The following PPP2R2C variants were observed in gnomAD, a reference collection of about 807,000 sequenced individuals.
PPP2R2C encodes protein phosphatase 2 regulatory subunit Bgamma.
A neutral mutation model predicts 45.3 loss-of-function variants in PPP2R2C; 10 were observed. That is an observed-to-expected ratio of 0.22 (90% CI 0.14 to 0.37). PPP2R2C has a LOEUF of 0.37. Among genes scored for constraint, PPP2R2C ranks in the 10% least tolerant of loss-of-function variants. PPP2R2C has a pLI of 1.00. For missense variants in PPP2R2C, 308 were observed against 619.7 expected (o/e 0.50, Z 5.34); for synonymous variants, 257 against 245.4 (o/e 1.05, Z -0.44).
intron 1 of PPP2R2C, among the ~76,000 whole-genome samples, chr4:6,554,599 C>T (rs910681317): frequency 2.6e-5 from 4 of 152,134 alleles, no homozygotes; most frequent in African/African-American, 9.7e-5. Flanking sequence ...GTGGCTCACA[C>T]CTGCAATCCC....
intron 1 of PPP2R2C, among the ~76,000 whole-genome samples, chr4:6,538,646 C>T (rs1458864960): frequency 1.3e-5 from 2 of 152,188 alleles, no homozygotes; most frequent in African/African-American, 4.8e-5. Flanking sequence ...CAGATGTTCC[C>T]TTGGCCAAAG....
At chr4:6,481,389 A>T (rs533509734) in intron 2 of PPP2R2C, among the ~76,000 whole-genome samples, 1 of 152,342 alleles carries the variant, frequency 6.6e-6, no homozygotes, top group East Asian at 1.9e-4. Context: ...AGAAAATAAT[A>T]TCCAAATCAT....
intron 2 of PPP2R2C, among the ~76,000 whole-genome samples, chr4:6,524,236 T>C (rs1436915001): frequency 6.6e-6 from 1 of 152,104 alleles, no homozygotes; most frequent in East Asian, 1.9e-4. Flanking sequence ...GGAATGAAGT[T>C]CTAATGCGAG....
chr4:6,488,332 T>A (rs1289067411), intron 2 of PPP2R2C, among the ~76,000 whole-genome samples: 2 of 152,202 alleles, frequency 1.3e-5, no homozygotes, highest in Non-Finnish European at 2.9e-5. Flanking sequence ...TGGATTTGTT[T>A]GTATTCCTAT....
chr4:6,337,108 GTGTGTATATATATATATATATA>G lies in PPP2R2C; in HGVS notation c.791-3399_791-3378del, dbSNP rs1439001800. Among the ~76,000 whole-genome samples the G allele has an allele frequency of 1.1e-3, 37 of 33,246 alleles. 1 individual carries two copies. Among genetic ancestry groups the G allele is most frequent in the East Asian group, 3.5e-3 (3 of 868 alleles). 21.8% of individuals were successfully genotyped at this position (33,246 alleles called of 152,430 possible). ...TTGGCATCTTTGTTTCTGTATGTGT[GTGTGTATATATATATATATATA>G]TATATATATATATATATATATATAT... On this transcript the variant is annotated intron_variant, in intron 6 of 8. Coordinates refer to ENST00000382599, the MANE Select transcript of PPP2R2C (RefSeq NM_020416.4).
chr4:6,539,798 G>A (rs954276212), intron 1 of PPP2R2C, among the ~76,000 whole-genome samples: 6 of 152,150 alleles, frequency 3.9e-5, no homozygotes, highest in East Asian at 1.9e-4. Context: ...CCTTGCGGGC[G>A]ATACAGGAGT....
chr4:6,472,092 G>A, intron 1 of PPP2R2C, 68 bp downstream of exon 1: 1 of 1,599,480 alleles, frequency 6.3e-7, no homozygotes, highest in Non-Finnish European at 8.5e-7. Flanking sequence ...ACCTTCGGAG[G>A]GCATTCGGTG....
At chr4:6,349,135 C>G in intron 5 of PPP2R2C, 1 of 985,366 alleles carries the variant, frequency 1.0e-6, no homozygotes, top group Non-Finnish European at 1.2e-6. Context: ...AGCTTCAGAT[C>G]CCACCCATCA....
intron 1 of PPP2R2C, among the ~76,000 whole-genome samples, chr4:6,423,932 TTA>T (rs1227883708): frequency 2.0e-5 from 3 of 152,330 alleles, no homozygotes; most frequent in Admixed American, 1.3e-4. Context: ...AGGGTTAGTG[TTA>T]GTGTTTCCCT....
At chr4:6,453,170 C>A (rs1342095574) in intron 1 of PPP2R2C, among the ~76,000 whole-genome samples, 1 of 152,164 alleles carries the variant, frequency 6.6e-6, no homozygotes, top group African/African-American at 2.4e-5. Context: ...AGGGACCCCC[C>A]CACAGAGGAT....
chr4:6,432,469 C>G (rs1577178841), intron 1 of PPP2R2C, among the ~76,000 whole-genome samples: 2 of 152,234 alleles, frequency 1.3e-5, no homozygotes, highest in African/African-American at 2.4e-5. Flanking sequence ...CCTCTCCCCT[C>G]TACTCCAGCA....
chr4:6,347,822 C>A, intron 6 of PPP2R2C, 24 bp downstream of exon 6: 1 of 1,586,730 alleles, frequency 6.3e-7, no homozygotes, highest in South Asian at 1.1e-5. Flanking sequence ...GCACAGCCCC[C>A]CACCCCCAGG....
chr4:6,435,589 T>A (rs1387967463), intron 1 of PPP2R2C, among the ~76,000 whole-genome samples: 3 of 152,372 alleles, frequency 2.0e-5, no homozygotes, highest in African/African-American at 4.8e-5. Flanking sequence ...ATTACTCATC[T>A]CTGAATGTGA....
chr4:6,497,100 C>A (rs1219334384), intron 2 of PPP2R2C, among the ~76,000 whole-genome samples: 1 of 152,064 alleles, frequency 6.6e-6, no homozygotes, highest in Non-Finnish European at 1.5e-5. Flanking sequence ...ACCTGAGCAG[C>A]AGTCATTCAG....
chr4:6,407,407 T>G (rs1372534814), intron 1 of PPP2R2C, among the ~76,000 whole-genome samples: 4 of 152,200 alleles, frequency 2.6e-5, no homozygotes, highest in African/African-American at 9.7e-5. Flanking sequence ...TTTGTTTGTT[T>G]GTTTTTCAGA....
At position 6,323,076 on chromosome 4, in the gene PPP2R2C, T is replaced by C. The variant is rs3796400; in HGVS notation, c.*226A>G. Reference sequence around the variant, plus strand: ...TGATTTGTGGCGGTGAACGCTTCCTTTCCTTTTTATTTTTTTAAACAGACA... The same window carrying C: ...TGATTTGTGGCGGTGAACGCTTCCTCTCCTTTTTATTTTTTTAAACAGACA... On this transcript the variant is annotated 3_prime_UTR_variant, in exon 9 of 9. Transcript: ENST00000382599. 0.62 allele frequency: 282,931 copies of C among 459,792 alleles called. 89,621 individuals are homozygous for C. Among genetic ancestry groups the C allele is most frequent in the East Asian group, 0.92 (27,022 of 29,256 alleles). The allele number at this position is 459,792 out of a possible 1,614,324, so 28.5% of individuals were successfully genotyped here.
At chr4:6,414,516 C>CA (rs1718434388) in intron 1 of PPP2R2C, among the ~76,000 whole-genome samples, 1 of 152,034 alleles carries the variant, frequency 6.6e-6, no homozygotes, top group Non-Finnish European at 1.5e-5. Context: ...CTACAGGCAC[C>CA]AACAACAACT....
At chr4:6,420,154 ACACT>A (rs1384817599) in intron 1 of PPP2R2C, among the ~76,000 whole-genome samples, 3 of 152,096 alleles carry the variant, frequency 2.0e-5, no homozygotes, top group African/African-American at 7.2e-5. Flanking sequence ...AGTCACACAC[ACACT>A]CACACACATA....
At chr4:6,374,171 G>A (rs1715113386) in intron 4 of PPP2R2C, among the ~76,000 whole-genome samples, 1 of 152,164 alleles carries the variant, frequency 6.6e-6, no homozygotes, top group African/African-American at 2.4e-5. Context: ...AGGGAGCCCA[G>A]CTGCTCTGGA....
Sources: allele counts gnomAD v4.1 joint callset (sites outside exome capture counted in the v4.1 genomes callset), GRCh38; gene constraint gnomAD v4.1.1; transcripts MANE v1.5; gene names NCBI Gene and HGNC (gene_info 2026-07-23, HGNC 2026-07-21).